ZBTB32: variants seen among roughly 807,000 people sequenced by gnomAD.
The protein encoded by ZBTB32 is zinc finger and BTB domain containing 32, also known as zinc finger and BTB domain-containing protein 32.
A neutral mutation model predicts 45.3 loss-of-function variants in ZBTB32; 28 were observed. The ratio of observed to expected loss-of-function variants is 0.62; its 90% CI spans 0.46 to 0.85. The LOEUF is 0.85. Among genes scored for constraint, ZBTB32 ranks in the 40% least tolerant of loss-of-function variants. The probability of loss-of-function intolerance (pLI) is 0.00; values close to 1 mark genes in which losing one functional copy is unlikely to be tolerated. For missense variants in ZBTB32, 587 were observed against 624.4 expected, an observed-to-expected ratio of 0.94 and a Z score of 0.64; for synonymous variants, 283 against 255.7, an observed-to-expected ratio of 1.11 and a Z score of -1.02.
At position 35,715,839 on chromosome 19, in the gene ZBTB32, C is replaced by G. The variant is rs777392489; in HGVS notation, c.955+9C>G. 1 of 1,613,632 alleles carries G rather than the reference C, an allele frequency of 6.2e-7. No individual in the cohort carries two copies. Among genetic ancestry groups the G allele is most frequent in the Non-Finnish European group, 8.5e-7 (1 of 1,179,754 alleles). On this transcript the variant is annotated intron_variant, in intron 4 of 6. Transcript: ENST00000392197. ...CTCCAGCCCTACCCCAGGTAAGCCC[C>G]TCGCTGTCCTGCATACACCTGTAAC...
intron 1 of ZBTB32, among the ~76,000 whole-genome samples, chr19:35,705,845 A>T (rs1968525198): frequency 6.7e-6 from 1 of 149,576 alleles, no homozygotes; most frequent in African/African-American, 2.5e-5. Context: ...CACGAGGCGG[A>T]GGTTGCAGTG....
chr19:35,716,827 C>T lies in ZBTB32; in HGVS notation c.*75C>T. Reference sequence around the variant, plus strand: ...CGGGCCGGCTCGGCTTCTGACCTGGCACCGCTGCTACGGCGGCCTAGCAAA... The same window carrying T: ...CGGGCCGGCTCGGCTTCTGACCTGGTACCGCTGCTACGGCGGCCTAGCAAA... On this transcript the variant is annotated 3_prime_UTR_variant, in exon 7 of 7. Transcript: ENST00000392197. 1 of 1,514,726 alleles carries T rather than the reference C, an allele frequency of 6.6e-7. No individual in the cohort carries two copies. The highest frequency in any genetic ancestry group is 2.3e-5 in the East Asian group (1 of 43,874). 93.8% of individuals were successfully genotyped at this position (1,514,726 alleles called of 1,614,324 possible).
At chr19:35,710,963 T>C (rs1425699768) in intron 1 of ZBTB32, among the ~76,000 whole-genome samples, 2 of 152,112 alleles carry the variant, frequency 1.3e-5, no homozygotes, top group Non-Finnish European at 2.9e-5. Flanking sequence ...TCTAAGGGGA[T>C]ATCCTTAGGT....
In ZBTB32 at chr19:35,715,271, G is replaced by C; in HGVS notation, c.645G>C (p.Leu215Phe). 1 of 1,586,048 alleles carries C rather than the reference G, an allele frequency of 6.3e-7. No individual in the cohort carries two copies. Among genetic ancestry groups the C allele is most frequent in the East Asian group, 2.2e-5 (1 of 44,636 alleles). Residue 215 changes from leucine (L) to phenylalanine (F), a missense_variant, in exon 3 of 7, where the codon TTG (leucine) becomes TTC (phenylalanine). By Grantham distance (22) the Leu-to-Phe change is conservative (BLOSUM62 0). Transcript: ENST00000392197. ...ADGKHGVLTW[L>F]RENPGGSEES... ...GGAAGCATGGAGTGCTCACGTGGTT[G>C]AGGGAAAATCCAGGGGGCTCTGAGG... is the stretch of plus-strand genomic sequence containing the variant.
In ZBTB32 at chr19:35,715,505, G is replaced by T. The variant is rs1437845176; in HGVS notation, c.879G>T (p.Gln293His). The T allele has an allele frequency of 8.5e-6, 13 of 1,536,610 alleles. No homozygotes were observed. The highest frequency in any genetic ancestry group is 1.1e-5 in the Non-Finnish European group (13 of 1,144,724). ...CCTGGCAGGAGGTCTGGCGGGAACA[G>T]AGGTGAGTGGCGGGGTCTAGTGCTC... Reference protein sequence around the residue: ...TGAWQEVWREQRIPLSLNAPK... With the variant: ...TGAWQEVWREHRIPLSLNAPK... The change falls in exon 3 of 7, where the codon CAG becomes CAT. Residue 293 changes from glutamine (Q) to histidine (H), a missense_variant and splice_region_variant. Coordinates refer to ENST00000392197, the MANE Select transcript of ZBTB32 (RefSeq NM_014383.3).
chr19:35,710,690 T>C (rs1406140169), intron 1 of ZBTB32, among the ~76,000 whole-genome samples: 1 of 152,002 alleles, frequency 6.6e-6, no homozygotes, highest in Non-Finnish European at 1.5e-5. Context: ...GAGGCAGAGG[T>C]TGCAGTGAGC....
chr19:35,714,574 C>T lies in ZBTB32; in HGVS notation c.-53C>T. The T allele has an allele frequency of 1.4e-6, 2 of 1,477,092 alleles. No individual in the cohort carries two copies. The highest frequency in any genetic ancestry group is 1.8e-6 in the Non-Finnish European group (2 of 1,108,168). 91.5% of individuals were successfully genotyped at this position (1,477,092 alleles called of 1,614,324 possible). ...CCTCCCCTTTCAACCATGGACCTCA[C>T]ACTGTGGACTTCCTCTTAGAGCCTC... On this transcript the variant is annotated 5_prime_UTR_variant, in exon 3 of 7. Transcript: ENST00000392197.
At chr19:35,705,548 G>A (rs1423861272) in intron 1 of ZBTB32, among the ~76,000 whole-genome samples, 1 of 152,124 alleles carries the variant, frequency 6.6e-6, no homozygotes, top group Admixed American at 6.6e-5. Context: ...CTAGGGAGAA[G>A]GATTCTGAAT....
chr19:35,715,729 G>T (rs559256196), intron 3 of ZBTB32, 28 bp from the exon 4 acceptor site: 4 of 1,584,836 alleles, frequency 2.5e-6, no homozygotes, highest in African/African-American at 1.4e-5. Context: ...TTTAGCCAAG[G>T]CTGTAACTCT....
rs756945187 is a variant in ZBTB32 at position 35,714,898 on chromosome 19, G to A, written c.272G>A (p.Arg91Lys). ...ESVELQPGELRPLQEAARALG... is the reference protein window; with the variant it reads ...ESVELQPGELKPLQEAARALG... ...GTAGAGCTGCAGCCTGGAGAGCTAA[G>A]GCCCCTTCAGGAGGCGGCCAGGGCC... Residue 91 changes from arginine to lysine, a missense_variant, in exon 3 of 7, where the codon AGG becomes AAG. Physicochemically the swap from Arg to Lys is conservative, Grantham distance 26. Transcript: ENST00000392197. 1.9e-6 allele frequency: 3 copies of A among 1,583,206 alleles called. No individual in the cohort carries two copies. Among genetic ancestry groups the A allele is most frequent in the Admixed American group, 3.6e-5 (2 of 56,048 alleles).
chr19:35,716,572 C>T lies in ZBTB32; in HGVS notation c.1284C>T (p.Tyr428=). The T allele has an allele frequency of 6.2e-7, 1 of 1,613,316 alleles. No homozygotes were observed. Among genetic ancestry groups the T allele is most frequent in the Non-Finnish European group, 8.5e-7 (1 of 1,179,932 alleles). The part of the protein sequence containing the change: ...KHLRTHGAAP[Y]RCSLCGAGCP... ...TGCGGACACACGGGGCCGCTCCGTA[C>T]CGCTGCTCCCTGTGCGGGGCCGGCT... The change falls in exon 7 of 7, where the codon TAC becomes TAT. Residue 428 remains tyrosine (Y), a synonymous_variant. Transcript: ENST00000392197.
At chr19:35,713,457 G>A (rs1360175142) in intron 2 of ZBTB32, 1 of 152,328 alleles carries the variant, frequency 6.6e-6, no homozygotes, top group African/African-American at 2.4e-5. Context: ...TACAAGCGGT[G>A]AGTGATAGCC....
intron 1 of ZBTB32, among the ~76,000 whole-genome samples, chr19:35,711,886 G>A (rs1168463883): frequency 2.0e-5 from 3 of 152,032 alleles, no homozygotes; most frequent in African/African-American, 4.8e-5. Context: ...TTAGCCGGGC[G>A]TGGTGGCGGG....
At chr19:35,715,877 C>T in intron 4 of ZBTB32, 47 bp downstream of exon 4, 2 of 1,610,162 alleles carry the variant, frequency 1.2e-6, no homozygotes, top group Non-Finnish European at 1.7e-6. Flanking sequence ...GGTGTCTTCT[C>T]TGGGCTGGGG....
Position 35,716,843 on chromosome 19 carries a change from G to A in ZBTB32, c.*91G>A. ...CTGACCTGGCACCGCTGCTACGGCGGCCTAGCAAATTCCGCCCCAGAAGCG... is the reference window on the plus strand; with the variant it reads ...CTGACCTGGCACCGCTGCTACGGCGACCTAGCAAATTCCGCCCCAGAAGCG... On this transcript the variant is annotated 3_prime_UTR_variant, in exon 7 of 7. Coordinates refer to ENST00000392197, the MANE Select transcript of ZBTB32 (RefSeq NM_014383.3). 2 of 1,483,568 alleles carry A rather than the reference G, an allele frequency of 1.3e-6. No homozygotes were observed. The highest frequency in any genetic ancestry group is 1.8e-6 in the Non-Finnish European group (2 of 1,104,706). The allele number at this position is 1,483,568 out of a possible 1,614,324, so 91.9% of individuals were successfully genotyped here.
At position 35,715,961 on chromosome 19, in the gene ZBTB32, A is replaced by C; in HGVS notation, c.978A>C (p.Ala326=). ...CAGGTTCCCTCCCCCAGGGCCCCGC[A>C]CAGCTCAGCCCTGGGGAGATGGAAG... ...PTPGSLPQGP[A]QLSPGEMEES... is the part of the protein sequence containing the mutation. Residue 326 remains alanine, a synonymous_variant, in exon 5 of 7, where the codon GCA becomes GCC. Transcript: ENST00000392197. 6.2e-7 allele frequency: 1 copy of C among 1,613,300 alleles called. No individual in the cohort carries two copies.
intron 1 of ZBTB32, among the ~76,000 whole-genome samples, chr19:35,706,131 G>A (rs1376886470): frequency 6.6e-6 from 1 of 151,488 alleles, no homozygotes; most frequent in Non-Finnish European, 1.5e-5. Flanking sequence ...GGGAGGCTGA[G>A]GCAGGAGAAT....
chr19:35,714,891 G>GA lies in ZBTB32; in HGVS notation c.266dup (p.Leu90AlafsTer29). The GA allele has an allele frequency of 6.3e-7, 1 of 1,590,212 alleles. No individual in the cohort carries two copies. The highest frequency in any genetic ancestry group is 8.6e-7 in the Non-Finnish European group (1 of 1,166,896). On this transcript the variant is annotated frameshift_variant, in exon 3 of 7. Transcript: ENST00000392197. LOFTEE classifies it high-confidence loss of function. ...GGAGAGTGTAGAGCTGCAGCCTGGA[G>GA]AGCTAAGGCCCCTTCAGGAGGCGGC...
intron 1 of ZBTB32, among the ~76,000 whole-genome samples, chr19:35,705,998 G>A (rs1417671393): frequency 6.6e-6 from 1 of 151,744 alleles, no homozygotes; most frequent in African/African-American, 2.4e-5. Flanking sequence ...AGAGGCCAAG[G>A]CGGGCGGATT....
Sources: gnomAD v4.1 joint callset for allele counts (sites outside exome capture counted in the v4.1 genomes callset) on GRCh38, gnomAD v4.1.1 for gene constraint, MANE v1.5 for transcripts, NCBI Gene and HGNC (gene_info 2026-07-23, HGNC 2026-07-21) for gene names.